Variants in TGFBI observed in about 807,000 individuals in gnomAD.
TGFBI encodes transforming growth factor beta induced, also known as transforming growth factor-beta-induced protein ig-h3.
In TGFBI, 50 loss-of-function variants were observed where a neutral mutation model predicts 73.7. That is an observed-to-expected ratio of 0.68 (90% CI 0.54 to 0.86). The LOEUF (loss-of-function observed/expected upper bound fraction) is 0.86. Among genes scored for constraint, TGFBI ranks in the 40% least tolerant of loss-of-function variants. TGFBI has a pLI of 0.00. For synonymous variants in TGFBI, 362 were observed against 360.5 expected (o/e 1.00, Z -0.05); for missense variants, 839 against 877.0 (o/e 0.96, Z 0.55).
intron 12 of TGFBI, among the ~76,000 whole-genome samples, chr5:136,057,564 G>T (rs1355812431): frequency 6.6e-6 from 1 of 152,038 alleles, no homozygotes; most frequent in South Asian, 2.1e-4. Flanking sequence ...TAGCCATGAC[G>T]ATGGGGGCGG....
In TGFBI at chr5:136,055,753, A is replaced by G. The variant is rs773875117; in HGVS notation, c.1484A>G (p.Asp495Gly). The G allele has an allele frequency of 1.9e-6, 3 of 1,612,796 alleles. No individual in the cohort carries two copies. The highest frequency in any genetic ancestry group is 2.7e-5 in the African/African-American group (2 of 74,916). The change falls in exon 11 of 17, where the codon GAC becomes GGC. Residue 495 changes from aspartate (D) to glycine (G), a missense_variant. Transcript: ENST00000442011. ...AGGTACGGGACCCTGTTCACGATGGACCGGGTGCTGACCCCCCCAATGGGG... is the reference window on the plus strand; with the variant it reads ...AGGTACGGGACCCTGTTCACGATGGGCCGGGTGCTGACCCCCCCAATGGGG... ...RGRYGTLFTMDRVLTPPMGTV... is the reference protein window; with the variant it reads ...RGRYGTLFTMGRVLTPPMGTV...
intron 11 of TGFBI, 21 bp downstream of exon 11, chr5:136,055,837 G>A (rs1441310079): frequency 1.3e-6 from 2 of 1,586,324 alleles, no homozygotes; most frequent in Admixed American, 1.7e-5. Context: ...CCATCCCCGG[G>A]TGGAGCTTCT....
chr5:136,061,807 C>A (rs543146447), intron 15 of TGFBI, among the ~76,000 whole-genome samples: 1 of 152,198 alleles, frequency 6.6e-6, no homozygotes, highest in African/African-American at 2.4e-5. Flanking sequence ...GCTTTCACAC[C>A]GAGGCCTCTG....
At chr5:136,041,924 T>A (rs1487645572) in intron 2 of TGFBI, among the ~76,000 whole-genome samples, 1 of 151,978 alleles carries the variant, frequency 6.6e-6, no homozygotes, top group Non-Finnish European at 1.5e-5. Flanking sequence ...AGAAAAAGAG[T>A]CTTTGGCCAG....
intron 2 of TGFBI, among the ~76,000 whole-genome samples, chr5:136,040,487 T>C (rs1751309944): frequency 6.6e-6 from 1 of 152,148 alleles, no homozygotes. Context: ...GTGCATTCCT[T>C]ATGAGAATCT....
intron 7 of TGFBI, among the ~76,000 whole-genome samples, chr5:136,052,090 T>C (rs969828191): frequency 1.3e-5 from 2 of 152,246 alleles, no homozygotes; most frequent in Admixed American, 6.5e-5. Flanking sequence ...TCCTCCTCCT[T>C]GACTGGTCCT....
chr5:136,035,269 A>G (rs544255210), intron 2 of TGFBI, among the ~76,000 whole-genome samples: 1 of 152,338 alleles, frequency 6.6e-6, no homozygotes, highest in East Asian at 1.9e-4. Flanking sequence ...TGCTATGAAC[A>G]AAAGGAGACT....
At chr5:136,042,563 A>G (rs1253874025) in intron 2 of TGFBI, among the ~76,000 whole-genome samples, 1 of 152,186 alleles carries the variant, frequency 6.6e-6, no homozygotes, top group Non-Finnish European at 1.5e-5. Context: ...TCCCAAGACA[A>G]TAGCCTGTTT....
intron 15 of TGFBI, among the ~76,000 whole-genome samples, chr5:136,062,238 G>C (rs954976992): frequency 2.0e-5 from 3 of 152,192 alleles, no homozygotes; most frequent in Non-Finnish European, 4.4e-5. Context: ...CACTTCAAGA[G>C]GAGAGGCTGC....
chr5:136,059,557 C>A (rs912979264), intron 13 of TGFBI, among the ~76,000 whole-genome samples: 4 of 152,180 alleles, frequency 2.6e-5, no homozygotes, highest in Non-Finnish European at 5.9e-5. Context: ...TCCCACCCCC[C>A]AAACCCAGGG....
intron 2 of TGFBI, among the ~76,000 whole-genome samples, chr5:136,038,847 C>T (rs951416939): frequency 7.2e-5 from 11 of 152,130 alleles, no homozygotes; most frequent in African/African-American, 1.4e-4. Flanking sequence ...CTGGAAAGGA[C>T]GAGCAATGGA....
At chr5:136,059,837 G>C (rs1008513690) in intron 13 of TGFBI, among the ~76,000 whole-genome samples, 2 of 152,174 alleles carry the variant, frequency 1.3e-5, no homozygotes, top group African/African-American at 4.8e-5. Flanking sequence ...GCCATCCATT[G>C]CTCACCAGTT....
chr5:136,059,471 A>G (rs1191603049), intron 13 of TGFBI, among the ~76,000 whole-genome samples: 1 of 152,190 alleles, frequency 6.6e-6, no homozygotes, highest in African/African-American at 2.4e-5. Flanking sequence ...GAGAGAGGCT[A>G]TTAGATCTTC....
intron 8 of TGFBI, among the ~76,000 whole-genome samples, chr5:136,053,731 G>A (rs1050160786): frequency 6.6e-6 from 1 of 152,192 alleles, no homozygotes; most frequent in East Asian, 1.9e-4. Context: ...GCCTAACTGA[G>A]CTCACCTCTC....
At position 136,063,477 on chromosome 5, in the gene TGFBI, C is replaced by A; in HGVS notation, c.*251C>A. 1 of 492,064 alleles carries A rather than the reference C, an allele frequency of 2.0e-6. No individual in the cohort carries two copies. Among genetic ancestry groups the A allele is most frequent in the Non-Finnish European group, 3.7e-6 (1 of 272,852 alleles). The allele number at this position is 492,064 out of a possible 1,614,324, so 30.5% of individuals were successfully genotyped here. On this transcript the variant is annotated 3_prime_UTR_variant, in exon 17 of 17. Coordinates refer to ENST00000442011, the MANE Select transcript of TGFBI (RefSeq NM_000358.3). ...AACTTGGATGTCACTGCCTGACATT[C>A]ACTTCCAGAGAGGACCTATCCCAAA...
At chr5:136,037,488 G>T (rs1242277046) in intron 2 of TGFBI, among the ~76,000 whole-genome samples, 1 of 152,158 alleles carries the variant, frequency 6.6e-6, no homozygotes, top group Non-Finnish European at 1.5e-5. Context: ...CCAGGGAGAG[G>T]AGGCCTATTT....
intron 2 of TGFBI, among the ~76,000 whole-genome samples, chr5:136,042,852 A>G (rs912451481): frequency 5.3e-5 from 8 of 152,160 alleles, no homozygotes; most frequent in African/African-American, 1.9e-4. Flanking sequence ...GTCTTCCCTG[A>G]GACGACTCCA....
intron 2 of TGFBI, among the ~76,000 whole-genome samples, chr5:136,038,659 T>A (rs1032944729): frequency 2.7e-5 from 4 of 150,210 alleles, no homozygotes; most frequent in African/African-American, 9.9e-5. Context: ...AGGCAGAGGT[T>A]GTGGTGAGCT....
At chr5:136,041,930 G>A (rs898085604) in intron 2 of TGFBI, among the ~76,000 whole-genome samples, 7 of 152,196 alleles carry the variant, frequency 4.6e-5, no homozygotes, top group Admixed American at 4.6e-4. Context: ...AGAGTCTTTG[G>A]CCAGCTTTCC....
Sources: allele counts gnomAD v4.1 joint callset (sites outside exome capture counted in the v4.1 genomes callset), GRCh38; gene constraint gnomAD v4.1.1; transcripts MANE v1.5; gene names NCBI Gene and HGNC (gene_info 2026-07-23, HGNC 2026-07-21).